Variants in FHIT observed in about 807,000 individuals in gnomAD.
FHIT encodes bis(5'-adenosyl)-triphosphatase.
In FHIT, 19 loss-of-function variants were observed where a neutral mutation model predicts 17.9. The observed-to-expected ratio is 1.06, with a 90% CI of 0.74 to 1.56. FHIT has a LOEUF of 1.56. Among genes scored for constraint, FHIT ranks in the 40% most tolerant of loss-of-function variants. The pLI, the probability that FHIT is intolerant of heterozygous loss-of-function variation, is 0.00. For missense variants in FHIT, 248 were observed against 189.2 expected, an observed-to-expected ratio of 1.31 and a Z score of -1.82; for synonymous variants, 81 against 69.7, an observed-to-expected ratio of 1.16 and a Z score of -0.81.
rs144674709 is a variant in FHIT at position 61,018,559 on chromosome 3, G to A, written c.-111+23488C>T. On this transcript the variant is annotated intron_variant, in intron 3 of 9. Transcript: ENST00000492590. Reference sequence around the variant, plus strand: ...CTCAGATATGGTTAGACAGTCAGATGCCCACAAGTAACAGCCTGTGCAGAA... The same window carrying A: ...CTCAGATATGGTTAGACAGTCAGATACCCACAAGTAACAGCCTGTGCAGAA... Among the ~76,000 whole-genome samples the A allele has an allele frequency of 9.6e-3, 1,467 of 152,256 alleles. 15 individuals carry two copies. Among genetic ancestry groups the A allele is most frequent in the Non-Finnish European group, 0.015 (1,028 of 67,998 alleles).
At chr3:60,732,258 A>C in intron 4 of FHIT, 1 of 885,566 alleles carries the variant, frequency 1.1e-6, no homozygotes, top group African/African-American at 1.6e-5. Flanking sequence ...GCCAAAGACC[A>C]CATGCTTGCC....
intron 5 of FHIT, among the ~76,000 whole-genome samples, chr3:60,501,848 C>T (rs954775742): frequency 6.6e-6 from 1 of 152,206 alleles, no homozygotes; most frequent in South Asian, 2.1e-4. Flanking sequence ...ATATTACGTG[C>T]ATACACATGC....
chr3:60,371,800 A>T (rs936888532), intron 5 of FHIT, among the ~76,000 whole-genome samples: 11 of 150,834 alleles, frequency 7.3e-5, no homozygotes, highest in Non-Finnish European at 1.3e-4. Flanking sequence ...GCAATGATTG[A>T]TTATTTGAGA....
At chr3:59,889,461 C>G (rs1185073692) in intron 8 of FHIT, among the ~76,000 whole-genome samples, 2 of 152,188 alleles carry the variant, frequency 1.3e-5, no homozygotes, top group Non-Finnish European at 2.9e-5. Flanking sequence ...TGAAGCCTCC[C>G]CATACCCTCA....
intron 5 of FHIT, among the ~76,000 whole-genome samples, chr3:60,315,464 C>A (rs1382677646): frequency 1.3e-5 from 2 of 152,142 alleles, no homozygotes; most frequent in Non-Finnish European, 2.9e-5. Flanking sequence ...TACCCCCACA[C>A]AAATAAGAAA....
At chr3:60,768,754 A>C (rs1553722239) in intron 4 of FHIT, among the ~76,000 whole-genome samples, 1 of 152,216 alleles carries the variant, frequency 6.6e-6, no homozygotes, top group African/African-American at 2.4e-5. Context: ...CCTGACCTGC[A>C]CACCAAGTGA....
At chr3:60,173,915 A>ATATATATATATTTTT in intron 5 of FHIT, among the ~76,000 whole-genome samples, 1 of 66,440 alleles carries the variant, frequency 1.5e-5, no homozygotes, top group Non-Finnish European at 2.8e-5. Flanking sequence ...ATATATATAT[A>ATATATATATATTTTT]TGTTTTTTTT....
chr3:60,506,251 A>G (rs1277675008), intron 5 of FHIT, among the ~76,000 whole-genome samples: 1 of 152,154 alleles, frequency 6.6e-6, no homozygotes, highest in Non-Finnish European at 1.5e-5. Context: ...TTCACATGGT[A>G]CTTTGAGGGT....
intron 5 of FHIT, among the ~76,000 whole-genome samples, chr3:60,312,015 C>A (rs1309636030): frequency 1.3e-5 from 2 of 152,090 alleles, no homozygotes; most frequent in African/African-American, 4.8e-5. Context: ...CCGTGACCAG[C>A]ATGTTTTAAA....
At chr3:60,536,700 T>C (rs897939426) in intron 5 of FHIT, 160 bp downstream of exon 5, 2 of 636,142 alleles carry the variant, frequency 3.1e-6, no homozygotes, top group Non-Finnish European at 4.9e-6. Flanking sequence ...AGAATAAATA[T>C]GAGTAACATC....
chr3:60,896,502 A>G (rs1460914821), intron 3 of FHIT, among the ~76,000 whole-genome samples: 1 of 152,162 alleles, frequency 6.6e-6, no homozygotes, highest in Non-Finnish European at 1.5e-5. Context: ...ACTCCCCACA[A>G]AATAATACAT....
chr3:61,204,999 G>T (rs1190495197), intron 1 of FHIT, among the ~76,000 whole-genome samples: 3 of 130,204 alleles, frequency 2.3e-5, no homozygotes, highest in Non-Finnish European at 4.6e-5. Context: ...AATCCCCAGT[G>T]TGTGATGTTC....
intron 1 of FHIT, among the ~76,000 whole-genome samples, chr3:61,218,650 G>T (rs991120943): frequency 6.6e-6 from 1 of 152,136 alleles, no homozygotes; most frequent in East Asian, 1.9e-4. Flanking sequence ...CAGTACTGAA[G>T]GTTCCTGAGA....
intron 5 of FHIT, among the ~76,000 whole-genome samples, chr3:60,195,026 C>T (rs1445830722): frequency 1.3e-5 from 2 of 152,072 alleles, no homozygotes; most frequent in South Asian, 4.1e-4. Context: ...ATTAGCCAGG[C>T]ATAGCGGCAG....
chr3:61,000,947 A>G (rs1403518787), intron 3 of FHIT, among the ~76,000 whole-genome samples: 1 of 151,670 alleles, frequency 6.6e-6, no homozygotes, highest in African/African-American at 2.4e-5. Flanking sequence ...TATATAAATA[A>G]TTCTCAAAGC....
intron 5 of FHIT, among the ~76,000 whole-genome samples, chr3:60,077,686 TCACACACACACACACA>T (rs35531886): frequency 0.033 from 3,672 of 110,370 alleles, 88 homozygotes; most frequent in Non-Finnish European, 0.046. Context: ...CGATTTTACT[TCACACACACACACACA>T]CACACACACA....
intron 4 of FHIT, among the ~76,000 whole-genome samples, chr3:60,816,113 T>A (rs1305285536): frequency 2.0e-5 from 3 of 152,118 alleles, no homozygotes; most frequent in African/African-American, 7.2e-5. Flanking sequence ...TTTACTGAAG[T>A]TGTTTCTGAG....
intron 5 of FHIT, among the ~76,000 whole-genome samples, chr3:60,297,702 A>C (rs1306441493): frequency 1.3e-5 from 2 of 152,096 alleles, no homozygotes; most frequent in Non-Finnish European, 2.9e-5. Context: ...CGTAGGGGGC[A>C]TAAAATACTA....
intron 2 of FHIT, among the ~76,000 whole-genome samples, chr3:61,109,227 C>G (rs1416142487): frequency 6.6e-6 from 1 of 152,132 alleles, no homozygotes; most frequent in East Asian, 1.9e-4. Context: ...GCAAACACAC[C>G]TGATAGCAAT....
Sources: allele counts gnomAD v4.1 joint callset (sites outside exome capture counted in the v4.1 genomes callset), GRCh38; gene constraint gnomAD v4.1.1; transcripts MANE v1.5; gene names NCBI Gene and HGNC (gene_info 2026-07-23, HGNC 2026-07-21).